TGFBR3L: variants seen among roughly 807,000 people sequenced by gnomAD.
TGFBR3L encodes the protein transforming growth factor-beta receptor type 3-like protein.
In TGFBR3L, 21 loss-of-function variants were observed where a neutral mutation model predicts 20.4. The ratio of observed to expected loss-of-function variants is 1.03; its 90% CI spans 0.73 to 1.48. The LOEUF (loss-of-function observed/expected upper bound fraction) is 1.48, where lower values mean the gene tolerates loss of function less well. TGFBR3L is among the 40% of genes most tolerant of loss of function. The pLI is 0.00. For synonymous variants in TGFBR3L, 245 were observed against 244.2 expected, an observed-to-expected ratio of 1.00 and a Z score of -0.03; for missense variants, 479 against 498.0, an observed-to-expected ratio of 0.96 and a Z score of 0.36.
rs1983328239 is a variant in TGFBR3L, at chr19:7,916,818, T to C, written c.473T>C (p.Leu158Pro). 6 of 1,481,054 alleles carry C rather than the reference T, an allele frequency of 4.1e-6. No homozygotes were observed. The highest frequency in any genetic ancestry group is 2.2e-5 in the Admixed American group (1 of 45,316). 91.7% of individuals were successfully genotyped at this position (1,481,054 alleles called of 1,614,324 possible). A position where few individuals can be genotyped will look rare whatever the true frequency, so the allele number is the denominator to read the frequency against. ...CGCCCCGCGCGTTTCAGCTTCCGCC[T>C]GCGCCCGGTCTTCAACGCCTCGGTG... Residue 158 changes from leucine to proline, a missense_variant, in exon 2 of 6, where the codon CTG becomes CCG. Physicochemically the swap from Leu to Pro is moderately conservative, Grantham distance 98. Transcript: ENST00000565886.
chr19:7,917,597 C>A lies in TGFBR3L; in HGVS notation c.722C>A (p.Pro241His). ...GTGGTCACCGTGCCGCGGCCGCCCC[C>A]CAGTGAGCACGCAGTCCTCCTCCGC... Residue 241 changes from proline (P) to histidine (H), a missense_variant and splice_region_variant, in exon 3 of 6, where the codon CCC becomes CAC. Coordinates refer to ENST00000565886, the MANE Select transcript of TGFBR3L (RefSeq NM_001195259.2). 2.7e-6 allele frequency: 4 copies of A among 1,474,846 alleles called. No homozygotes were observed. Among genetic ancestry groups the A allele is most frequent in the Non-Finnish European group, 3.6e-6 (4 of 1,115,144 alleles). The allele number at this position is 1,474,846 out of a possible 1,614,324, so 91.4% of individuals were successfully genotyped here.
At position 7,915,123 on chromosome 19, in the gene TGFBR3L, C is replaced by T. The variant is rs1240657325; in HGVS notation, c.-1145C>T. ...CTGAGTAGCTGGGACTACAGGCACG[C>T]ACCACCACGCCTGGCTAATTGTTGT... On this transcript the variant is annotated 5_prime_UTR_variant, in exon 1 of 6. Transcript: ENST00000565886. Among the ~76,000 whole-genome samples the T allele has an allele frequency of 6.6e-6, 1 of 152,190 alleles. No individual in the cohort carries two copies. The highest frequency in any genetic ancestry group is 1.5e-5 in the Non-Finnish European group (1 of 68,038).
chr19:7,917,913 C>A, intron 4 of TGFBR3L, 54 bp downstream of exon 5: 1 of 1,380,902 alleles, frequency 7.2e-7, no homozygotes, highest in African/African-American at 1.5e-5. Context: ...CGCGTCGGGA[C>A]CCGGGGCGGC....
rs576128186 is a variant in TGFBR3L at position 7,918,618 on chromosome 19, T to C, written c.*6-299T>C. 4.0e-5 allele frequency: 12 copies of C among 297,572 alleles called. 1 individual carries two copies. The South Asian group carries it at 6.3e-4, about 16-fold the overall frequency. The allele number at this position is 297,572 out of a possible 1,614,324, so 18.4% of individuals were successfully genotyped here. A position where few individuals can be genotyped will look rare whatever the true frequency, so the allele number is the denominator to read the frequency against. ...TAGGCGGACACTATTATAATCCCCA[T>C]TTTAGAGACGAGAATGATGAGGCAT... On this transcript the variant is annotated intron_variant, in intron 5 of 5. Coordinates refer to ENST00000565886, the MANE Select transcript of TGFBR3L (RefSeq NM_001195259.2).
At position 7,916,089 on chromosome 19, in the gene TGFBR3L, A is replaced by AC. The variant is rs1568284876; in HGVS notation, c.-175dup. The AC allele has an allele frequency of 1.2e-5, 15 of 1,273,342 alleles. No individual in the cohort carries two copies. Among genetic ancestry groups the AC allele is most frequent in the Middle Eastern group, 2.8e-4 (1 of 3,546 alleles). 78.9% of individuals were successfully genotyped at this position (1,273,342 alleles called of 1,614,324 possible). ...GGGAGCTCTGACTTCACCCAGCCGG[A>AC]CCCCACCATCGGGTGCTCCTCACCG... On this transcript the variant is annotated 5_prime_UTR_variant, in exon 1 of 6. Transcript: ENST00000565886.
At position 7,916,496 on chromosome 19, in the gene TGFBR3L, C is replaced by A. The variant is rs769596311; in HGVS notation, c.229C>A (p.Arg77Ser). Reference sequence around the variant, plus strand: ...CGACACAGAGGACGTCTTTCCTCGCCGCGCGGGGCCGCTCGAGGTCCCGGC... The same window carrying A: ...CGACACAGAGGACGTCTTTCCTCGCAGCGCGGGGCCGCTCGAGGTCCCGGC... The change falls in exon 1 of 6, where the codon CGC becomes AGC. Residue 77 changes from arginine to serine, a missense_variant. Coordinates refer to ENST00000565886, the MANE Select transcript of TGFBR3L (RefSeq NM_001195259.2). 4.6e-6 allele frequency: 7 copies of A among 1,519,906 alleles called. No individual in the cohort carries two copies. Among genetic ancestry groups the A allele is most frequent in the Non-Finnish European group, 6.2e-6 (7 of 1,136,360 alleles). 94.2% of individuals were successfully genotyped at this position (1,519,906 alleles called of 1,614,324 possible).
Position 7,916,381 on chromosome 19 carries a change from T to C in TGFBR3L, c.114T>C (p.Phe38=). Residue 38 remains phenylalanine (F), a synonymous_variant, in exon 1 of 6, where the codon TTT becomes TTC. Transcript: ENST00000565886. ...AGGGCAGCGCGCGTTTTCTCTCCTT[T>C]GGGCCGCCCTTCCCCGCCCCGCCAG... The C allele has an allele frequency of 1.3e-6, 2 of 1,535,396 alleles. No individual in the cohort carries two copies. Among genetic ancestry groups the C allele is most frequent in the Admixed American group, 2.0e-5 (1 of 50,994 alleles).
In TGFBR3L at chr19:7,918,719, C is replaced by T. The variant is rs375158684; in HGVS notation, c.*6-198C>T. 3.3e-5 allele frequency: 13 copies of T among 394,736 alleles called. 1 individual carries two copies. The highest frequency in any genetic ancestry group is 2.7e-4 in the African/African-American group (13 of 48,696). 24.5% of individuals were successfully genotyped at this position (394,736 alleles called of 1,614,324 possible). ...ATTCGAACTCAGGCAGTGGGTCACC[C>T]GCGGCAGGCGCGGGCTTTGGGTCGA... On this transcript the variant is annotated intron_variant, in intron 5 of 5. Coordinates refer to ENST00000565886, the MANE Select transcript of TGFBR3L (RefSeq NM_001195259.2).
At chr19:7,917,638 G>C (rs1229889258) in intron 3 of TGFBR3L, 39 bp downstream of exon 4, 1 of 1,429,398 alleles carries the variant, frequency 7.0e-7, no homozygotes, top group Non-Finnish European at 9.1e-7. Context: ...GCCGTGGGGC[G>C]GCAGAGCGGG....
In TGFBR3L at chr19:7,918,922, G is replaced by A. The variant is rs1226498243; in HGVS notation, c.*11G>A. On this transcript the variant is annotated 3_prime_UTR_variant, in exon 6 of 6. Transcript: ENST00000565886. ...GCCTCAGCCACCCCTCCCAGGGATG[G>A]TGCGCCCCCAACATGGTCCGGAGAT... is the stretch of plus-strand genomic sequence containing the variant. The A allele has an allele frequency of 2.5e-6, 1 of 398,510 alleles. No individual in the cohort carries two copies. Among genetic ancestry groups the A allele is most frequent in the Non-Finnish European group, 4.4e-6 (1 of 226,088 alleles). 24.7% of individuals were successfully genotyped at this position (398,510 alleles called of 1,614,324 possible). A position where few individuals can be genotyped will look rare whatever the true frequency, so the allele number is the denominator to read the frequency against.
In TGFBR3L at chr19:7,918,818, C is replaced by A. The variant is rs116469350; in HGVS notation, c.*6-99C>A. ...TTCGGACCCGGCTCCCACTCTCACC[C>A]CGGCATGCAGACCGATGGAAGAGGC... On this transcript the variant is annotated intron_variant, in intron 5 of 5. Transcript: ENST00000565886. 575 of 397,768 alleles carry A rather than the reference C, an allele frequency of 1.4e-3. 6 individuals are homozygous for A. The highest frequency in any genetic ancestry group is 0.011 in the African/African-American group (542 of 48,702). The allele number at this position is 397,768 out of a possible 1,614,324, so 24.6% of individuals were successfully genotyped here. A position where few individuals can be genotyped will look rare whatever the true frequency, so the allele number is the denominator to read the frequency against.
At position 7,917,500 on chromosome 19, in the gene TGFBR3L, G is replaced by A. The variant is rs1246183661; in HGVS notation, c.625G>A (p.Asp209Asn). The A allele has an allele frequency of 3.9e-6, 6 of 1,526,022 alleles. No homozygotes were observed. In the South Asian group the frequency reaches 6.0e-5, roughly 15 times the overall value. The allele number at this position is 1,526,022 out of a possible 1,614,324, so 94.5% of individuals were successfully genotyped here. The change falls in exon 3 of 6, where the codon GAC becomes AAC. Residue 209 changes from aspartate to asparagine, a missense_variant. Asp to Asn is a conservative substitution (Grantham distance 23). Coordinates refer to ENST00000565886, the MANE Select transcript of TGFBR3L (RefSeq NM_001195259.2). The stretch of plus-strand genomic sequence containing the variant: ...TCTGCCTCAGGACGAGGCGTGCGCC[G>A]ACACTGGCAGTGGCAGCGCCGAGGG...
chr19:7,918,488 G>A (rs1010652637), intron 5 of TGFBR3L, among the ~76,000 whole-genome samples: 5 of 152,196 alleles, frequency 3.3e-5, no homozygotes, highest in African/African-American at 9.7e-5. Context: ...CTACCGCTTC[G>A]GTCTCCCAAA....
rs1201629051 is a variant in TGFBR3L at position 7,915,097 on chromosome 19, C to T, written c.-1171C>T. ...TCAAGTGATTCTCCTGCCTCAGCCT[C>T]CTGAGTAGCTGGGACTACAGGCACG... On this transcript the variant is annotated 5_prime_UTR_variant, in exon 1 of 6. Coordinates refer to ENST00000565886, the MANE Select transcript of TGFBR3L (RefSeq NM_001195259.2). 6.6e-6 allele frequency among the ~76,000 whole-genome samples: 1 copy of T among 152,220 alleles called. No homozygotes were observed. Among genetic ancestry groups the T allele is most frequent in the Non-Finnish European group, 1.5e-5 (1 of 68,044 alleles).
In TGFBR3L at chr19:7,916,155, G is replaced by A; in HGVS notation, c.-113G>A. 2 of 1,437,800 alleles carry A rather than the reference G, an allele frequency of 1.4e-6. No individual in the cohort carries two copies. 89.1% of individuals were successfully genotyped at this position (1,437,800 alleles called of 1,614,324 possible). ...AGGGAGGGCTTCGCCAGCTTCGGAG[G>A]CTTCTCTAGGGGCGCATGGCTCTGC... On this transcript the variant is annotated 5_prime_UTR_variant, in exon 1 of 6. Transcript: ENST00000565886.
At chr19:7,917,321 C>A (rs1043686353) in intron 2 of TGFBR3L, among the ~76,000 whole-genome samples, 152 bp from the exon 4 acceptor site, 2 of 152,130 alleles carry the variant, frequency 1.3e-5, no homozygotes, top group Non-Finnish European at 2.9e-5. Flanking sequence ...AGGGGCTGGG[C>A]TCAGGGCACC....
Position 7,916,417 on chromosome 19 carries a change from C to T in TGFBR3L, c.150C>T (p.Phe50=), listed in dbSNP as rs1483279797. The change falls in exon 1 of 6, where the codon TTC becomes TTT. Residue 50 remains phenylalanine (F), a synonymous_variant. Coordinates refer to ENST00000565886, the MANE Select transcript of TGFBR3L (RefSeq NM_001195259.2). ...TCCCCGCCCCGCCAGCTCCCCCGTT[C>T]CCCGCGGCGCCCGGCCCCTGGCTGC... 2.0e-6 allele frequency: 3 copies of T among 1,534,776 alleles called. No homozygotes were observed. The highest frequency in any genetic ancestry group is 2.7e-5 in the African/African-American group (2 of 73,018).
intron 1 of TGFBR3L, 33 bp from the exon 3 acceptor site, chr19:7,916,589 C>T: frequency 7.0e-7 from 1 of 1,432,632 alleles, no homozygotes; most frequent in Non-Finnish European, 9.1e-7. Context: ...CCGGTGGGGA[C>T]GGGCGATCCC....
At chr19:7,917,634 G>C in intron 3 of TGFBR3L, 35 bp downstream of exon 4, 1 of 1,431,302 alleles carries the variant, frequency 7.0e-7, no homozygotes, top group Non-Finnish European at 9.1e-7. Context: ...TGGGGCCGTG[G>C]GGCGGCAGAG....
Sources: gnomAD v4.1 joint callset for allele counts (sites outside exome capture counted in the v4.1 genomes callset) on GRCh38, gnomAD v4.1.1 for gene constraint, MANE v1.5 for transcripts, NCBI Gene and HGNC (gene_info 2026-07-23, HGNC 2026-07-21) for gene names.